Variants in PDP1 observed in about 807,000 individuals in gnomAD.
PDP1 encodes pyruvate dehyrogenase phosphatase catalytic subunit 1.
A neutral mutation model predicts 37.1 loss-of-function variants in PDP1; 14 were observed. That is an observed-to-expected ratio of 0.38 (90% CI 0.25 to 0.59). The LOEUF is 0.59. PDP1 is among the 20% of genes least tolerant of loss of function. The probability of loss-of-function intolerance (pLI) is 0.67; values close to 1 mark genes in which losing one functional copy is unlikely to be tolerated. For synonymous variants in PDP1, 251 were observed against 243.3 expected, an observed-to-expected ratio of 1.03 and a Z score of -0.29; for missense variants, 544 against 655.3, an observed-to-expected ratio of 0.83 and a Z score of 1.85.
chr8:93,917,181 C>G, intron 1 of PDP1, 102 bp downstream of exon 1: 1 of 397,356 alleles, frequency 2.5e-6, no homozygotes, highest in East Asian at 1.0e-4. Context: ...TCGGCGGCCG[C>G]GGGCGTGCGG....
chr8:93,922,198 A>G lies in PDP1; in HGVS notation c.139A>G (p.Thr47Ala), dbSNP rs1356784813. ...SYIPQSRLRY[T>A]PHPAYATFCR... ...CATTCCTCAGAGTCGACTGAGATACACACCTCATCCAGCATATGCTACCTT... is the reference window on the plus strand; with the variant it reads ...CATTCCTCAGAGTCGACTGAGATACGCACCTCATCCAGCATATGCTACCTT... Residue 47 changes from threonine to alanine, a missense_variant, in exon 2 of 2, where the codon ACA (threonine) becomes GCA (alanine). Transcript: ENST00000297598. This position sits in a 1 kb window ranked among gnomAD's most constrained non-coding sequence, Gnocchi z 4.0. 6.2e-7 allele frequency: 1 copy of G among 1,614,210 alleles called. No homozygotes were observed. The highest frequency in any genetic ancestry group is 8.5e-7 in the Non-Finnish European group (1 of 1,180,036).
At position 93,923,598 on chromosome 8, in the gene PDP1, G is replaced by A. The variant is rs1810354838; in HGVS notation, c.1539G>A (p.Met513Ile). The change falls in exon 2 of 2, where the codon ATG becomes ATA. Residue 513 changes from methionine to isoleucine, a missense_variant. Physicochemically the swap from Met to Ile is conservative, Grantham distance 10 (BLOSUM62 1). Transcript: ENST00000297598. The surrounding 1 kb of genome is among the most constrained non-coding windows in gnomAD (Gnocchi z 4.3). The part of the protein sequence containing the change: ...MLSLPEELAR[M>I]YRDDITIIVV... ...GTCTTCCTGAAGAGCTTGCTCGAAT[G>A]TACAGAGATGACATTACAATCATTG... 4 of 1,614,022 alleles carry A rather than the reference G, an allele frequency of 2.5e-6. No individual in the cohort carries two copies. Among genetic ancestry groups the A allele is most frequent in the Admixed American group, 3.3e-5 (2 of 59,998 alleles).
chr8:93,921,419 C>A, intron 1 of PDP1: 1 of 705,982 alleles, frequency 1.4e-6, no homozygotes, highest in Non-Finnish European at 1.7e-6. Flanking sequence ...AGAAATTTTT[C>A]TATATATGTT....
rs1810284672 is a variant in PDP1 at position 93,921,942 on chromosome 8, A to G, written c.-44-74A>G. The G allele has an allele frequency of 6.4e-6, 7 of 1,089,848 alleles. No individual in the cohort carries two copies. The African/African-American group carries it at 9.4e-5, about 15-fold the overall frequency. 67.5% of individuals were successfully genotyped at this position (1,089,848 alleles called of 1,614,324 possible). A position where few individuals can be genotyped will look rare whatever the true frequency, so the allele number is the denominator to read the frequency against. On this transcript the variant is annotated intron_variant, in intron 1 of 1. Coordinates refer to ENST00000297598, the MANE Select transcript of PDP1 (RefSeq NM_018444.4). ...GATTGACTTGCTTAATATTTGTTAT[A>G]AAGGCAAAGCTAGATTAAGTATCCT...
chr8:93,918,282 T>C (rs1452372855), intron 1 of PDP1, among the ~76,000 whole-genome samples: 1 of 152,188 alleles, frequency 6.6e-6, no homozygotes, highest in Non-Finnish European at 1.5e-5. Flanking sequence ...TTTAATGCAA[T>C]CGGATTACAT....
At position 93,923,016 on chromosome 8, in the gene PDP1, A is replaced by G; in HGVS notation, c.957A>G (p.Glu319=). ...TLSNDHNAQN[E]RELERLKLEH... is the part of the protein sequence containing the mutation. ...CTAATGACCACAATGCTCAAAATGAAAGAGAACTAGAACGGCTGAAATTGG... is the reference window on the plus strand; with the variant it reads ...CTAATGACCACAATGCTCAAAATGAGAGAGAACTAGAACGGCTGAAATTGG... Residue 319 remains glutamate (E), a synonymous_variant, in exon 2 of 2, where the codon GAA becomes GAG. Transcript: ENST00000297598. This position sits in a 1 kb window ranked among gnomAD's most constrained non-coding sequence, Gnocchi z 4.3. The G allele has an allele frequency of 6.2e-7, 1 of 1,614,176 alleles. No homozygotes were observed. The highest frequency in any genetic ancestry group is 8.5e-7 in the Non-Finnish European group (1 of 1,180,036).
intron 1 of PDP1, chr8:93,919,988 C>T (rs141656533): frequency 5.3e-5 from 8 of 152,248 alleles, no homozygotes; most frequent in African/African-American, 1.9e-4. Flanking sequence ...GATGGATTCC[C>T]GTTTTTCTGG....
chr8:93,923,187 G>A lies in PDP1; in HGVS notation c.1128G>A (p.Leu376=). 1 of 1,614,110 alleles carries A rather than the reference G, an allele frequency of 6.2e-7. No homozygotes were observed. The highest frequency in any genetic ancestry group is 8.5e-7 in the Non-Finnish European group (1 of 1,179,968). Residue 376 remains leucine (L), a synonymous_variant, in exon 2 of 2, where the codon TTG becomes TTA. Coordinates refer to ENST00000297598, the MANE Select transcript of PDP1 (RefSeq NM_018444.4). The surrounding 1 kb of genome is among the most constrained non-coding windows in gnomAD (Gnocchi z 4.3). ...KRVIESGPDQ[L]NDNEYTKFIP... ...TGATAGAATCTGGCCCAGACCAGTT[G>A]AATGACAATGAATATACCAAGTTTA...
In PDP1 at chr8:93,922,726, A is replaced by AAC; in HGVS notation, c.670_671dup (p.Gly225LeufsTer13). 1 of 1,614,128 alleles carries AAC rather than the reference A, an allele frequency of 6.2e-7. No homozygotes were observed. Among genetic ancestry groups the AAC allele is most frequent in the Non-Finnish European group, 8.5e-7 (1 of 1,179,970 alleles). On this transcript the variant is annotated frameshift_variant, in exon 2 of 2. Transcript: ENST00000297598. LOFTEE classifies it high-confidence loss of function. The surrounding 1 kb of genome is among the most constrained non-coding windows in gnomAD (Gnocchi z 4.0). Reference sequence around the variant, plus strand: ...TTACTGGCAAGAGCTTATAGACCTCAACACTGGTGAGTCGACTGATATTGA... The same window carrying AAC: ...TTACTGGCAAGAGCTTATAGACCTCAACACACTGGTGAGTCGACTGATATTGA...
chr8:93,919,192 C>T, intron 1 of PDP1: 2 of 861,956 alleles, frequency 2.3e-6, no homozygotes, highest in Non-Finnish European at 2.8e-6. Context: ...CTTTTTGTCA[C>T]TAGATTTCAT....
At position 93,922,096 on chromosome 8, in the gene PDP1, C is replaced by T. The variant is rs750372945; in HGVS notation, c.37C>T (p.Arg13Cys). 3 of 1,613,388 alleles carry T rather than the reference C, an allele frequency of 1.9e-6. No individual in the cohort carries two copies. Among genetic ancestry groups the T allele is most frequent in the South Asian group, 2.2e-5 (2 of 91,030 alleles). Residue 13 changes from arginine to cysteine, a missense_variant, in exon 2 of 2, where the codon CGT becomes TGT. By Grantham distance (180) the Arg-to-Cys change is radical. Around this residue, in one of 5 missense-constraint regions of PDP1, gnomAD observed 342 missense variants for 414.0 expected, o/e 0.83. Transcript: ENST00000297598. This position sits in a 1 kb window ranked among gnomAD's most constrained non-coding sequence, Gnocchi z 4.0. ...APTQLFFPLI[R>C]NCELSRIYGT... is the part of the protein sequence containing the mutation. ...AACTCAACTGTTTTTTCCTCTCATC[C>T]GTAACTGTGAACTGAGCAGGATCTA...
chr8:93,919,782 A>G (rs1200036054), intron 1 of PDP1: 2 of 152,154 alleles, frequency 1.3e-5, no homozygotes, highest in African/African-American at 4.8e-5. Context: ...AATGATAGAA[A>G]ACCTTTATTC....
intron 1 of PDP1, among the ~76,000 whole-genome samples, chr8:93,918,574 T>C (rs895890187): frequency 6.6e-6 from 1 of 152,226 alleles, no homozygotes; most frequent in Non-Finnish European, 1.5e-5. Flanking sequence ...ATGAAGATGC[T>C]ACATACAACG....
At chr8:93,918,030 G>C in intron 1 of PDP1, 2 of 1,468,134 alleles carry the variant, frequency 1.4e-6, no homozygotes, top group Non-Finnish European at 1.9e-6. Flanking sequence ...AGATGAATCA[G>C]CGTGGTATTA....
intron 1 of PDP1, among the ~76,000 whole-genome samples, chr8:93,918,740 G>C (rs1810166808): frequency 6.6e-6 from 1 of 152,194 alleles, no homozygotes; most frequent in Non-Finnish European, 1.5e-5. Context: ...TAACAAGCTT[G>C]TCAGCAAAAG....
chr8:93,919,182 C>T (rs762526403), intron 1 of PDP1: 26 of 894,580 alleles, frequency 2.9e-5, no homozygotes, highest in Non-Finnish European at 3.3e-5. Context: ...TCAATCATTG[C>T]TTTTTGTCAC....
intron 1 of PDP1, chr8:93,921,358 A>G (rs1810263362): frequency 4.1e-6 from 4 of 983,472 alleles, no homozygotes; most frequent in South Asian, 9.4e-5. Context: ...AAGACCATCT[A>G]CTGGGGTACA....
At position 93,925,756 on chromosome 8, in the gene PDP1, G is replaced by A. The variant is rs1298537637; in HGVS notation, c.*2083G>A. ...AATTGTGATTTTATTGTAATTGGTT[G>A]TCACTGTTGTACGGTGTCTAGAATT... On this transcript the variant is annotated 3_prime_UTR_variant, in exon 2 of 2. Transcript: ENST00000297598. The A allele has an allele frequency of 6.0e-6, 1 of 167,084 alleles. No homozygotes were observed. Among genetic ancestry groups the A allele is most frequent in the Non-Finnish European group, 1.5e-5 (1 of 68,112 alleles). The allele number at this position is 167,084 out of a possible 1,614,324, so 10.4% of individuals were successfully genotyped here.
chr8:93,926,058 T>A lies in PDP1; in HGVS notation c.*2385T>A, dbSNP rs557560034. On this transcript the variant is annotated 3_prime_UTR_variant, in exon 2 of 2. Coordinates refer to ENST00000297598, the MANE Select transcript of PDP1 (RefSeq NM_018444.4). ...CTATGGTGAATTAAAGCTTCATATC[T>A]GCTTTCTGAATGTCCTGTGTTGGTT... 2.8e-4 allele frequency: 47 copies of A among 165,154 alleles called. No homozygotes were observed. Among genetic ancestry groups the A allele is most frequent in the South Asian group, 2.1e-3 (10 of 4,830 alleles). The allele number at this position is 165,154 out of a possible 1,614,324, so 10.2% of individuals were successfully genotyped here.
Sources: allele counts gnomAD v4.1 joint callset (sites outside exome capture counted in the v4.1 genomes callset), GRCh38; gene constraint gnomAD v4.1.1; regional missense constraint gnomAD v4.1.1; non-coding constraint Gnocchi (gnomAD v3.1); transcripts MANE v1.5; gene names NCBI Gene and HGNC (gene_info 2026-07-23, HGNC 2026-07-21).